BRINP1: variants seen among roughly 807,000 people sequenced by gnomAD.
BRINP1 encodes BMP/retinoic acid inducible neural specific 1, also known as BMP/retinoic acid-inducible neural-specific protein 1.
In BRINP1, 17 loss-of-function variants were observed where a neutral mutation model predicts 72.9. The ratio of observed to expected loss-of-function variants is 0.23; its 90% CI spans 0.16 to 0.35. The LOEUF (loss-of-function observed/expected upper bound fraction) is 0.35. Ranked by LOEUF, BRINP1 falls within the 10% of genes least tolerant of loss-of-function variation. The pLI is 1.00. For synonymous variants in BRINP1, 418 were observed against 378.5 expected, an observed-to-expected ratio of 1.10 and a Z score of -1.21; for missense variants, 850 against 1,001.6, an observed-to-expected ratio of 0.85 and a Z score of 2.04.
intron 7 of BRINP1, among the ~76,000 whole-genome samples, chr9:119,174,442 G>GCAAA (rs1270181017): frequency 3.4e-5 from 5 of 149,070 alleles, no homozygotes; most frequent in East Asian, 2.0e-4. Flanking sequence ...AGTTAGAATG[G>GCAAA]CAAACATTAA....
intron 2 of BRINP1, among the ~76,000 whole-genome samples, chr9:119,301,750 G>C (rs895460942): frequency 2.0e-5 from 3 of 151,924 alleles, no homozygotes; most frequent in Non-Finnish European, 2.9e-5. Context: ...CTAGGTAAAG[G>C]GTACATAAGA....
intron 1 of BRINP1, among the ~76,000 whole-genome samples, chr9:119,317,005 C>A (rs556440952): frequency 6.6e-6 from 1 of 150,652 alleles, no homozygotes; most frequent in Non-Finnish European, 1.5e-5. Flanking sequence ...CCAGGAGAAT[C>A]GCTTGAACCC....
At chr9:119,257,786 C>T (rs956187199) in intron 2 of BRINP1, among the ~76,000 whole-genome samples, 5 of 152,130 alleles carry the variant, frequency 3.3e-5, no homozygotes, top group Admixed American at 3.3e-4. Flanking sequence ...CCACACGATC[C>T]TCAGCCAGCT....
chr9:119,352,471 T>C (rs1219175931), intron 1 of BRINP1, among the ~76,000 whole-genome samples: 1 of 152,198 alleles, frequency 6.6e-6, no homozygotes, highest in Admixed American at 6.5e-5. Context: ...TCTCACTTTG[T>C]CACCCAGGCT....
At chr9:119,354,043 C>A (rs979257167) in intron 1 of BRINP1, among the ~76,000 whole-genome samples, 1 of 151,686 alleles carries the variant, frequency 6.6e-6, no homozygotes, top group Non-Finnish European at 1.5e-5. Context: ...TTAAACACCC[C>A]TTCTTACCAT....
At chr9:119,178,075 GAC>G (rs1829509104) in intron 7 of BRINP1, among the ~76,000 whole-genome samples, 1 of 152,158 alleles carries the variant, frequency 6.6e-6, no homozygotes, top group Admixed American at 6.5e-5. Context: ...CAAATGAGCA[GAC>G]ACAGGCTATG....
At chr9:119,252,135 T>G (rs186881151) in intron 2 of BRINP1, among the ~76,000 whole-genome samples, 12 of 152,238 alleles carry the variant, frequency 7.9e-5, no homozygotes, top group African/African-American at 2.9e-4. Flanking sequence ...AGATGCTCTA[T>G]GGAGACATCC....
intron 2 of BRINP1, among the ~76,000 whole-genome samples, chr9:119,256,864 T>A (rs1204507550): frequency 6.6e-6 from 1 of 152,204 alleles, no homozygotes; most frequent in Admixed American, 6.5e-5. Context: ...GTTCTTTTAC[T>A]CTTCTCATGC....
chr9:119,233,282 G>T (rs1336120815), intron 5 of BRINP1, among the ~76,000 whole-genome samples: 1 of 151,844 alleles, frequency 6.6e-6, no homozygotes, highest in Non-Finnish European at 1.5e-5. Context: ...ACCTCTCTAG[G>T]CCCTGGTTTC....
Position 119,368,500 on chromosome 9 carries a change from A to C in BRINP1, c.-51+556T>G, listed in dbSNP as rs1470160487. The stretch of plus-strand genomic sequence containing the variant: ...AGCCCCATAATCCTCCCCAAACCCC[A>C]AGCCCAGAGCCCCAAGAGGAAGTCC... On this transcript the variant is annotated intron_variant, in intron 1 of 7. Transcript: ENST00000265922. The surrounding 1 kb of genome is among the most constrained non-coding windows in gnomAD (Gnocchi z 4.7). 6.6e-6 allele frequency among the ~76,000 whole-genome samples: 1 copy of C among 151,978 alleles called. No homozygotes were observed. Among genetic ancestry groups the C allele is most frequent in the Non-Finnish European group, 1.5e-5 (1 of 67,998 alleles).
At chr9:119,313,043 C>T in intron 2 of BRINP1, 95 bp downstream of exon 2, 1 of 1,388,974 alleles carries the variant, frequency 7.2e-7, no homozygotes, top group Non-Finnish European at 9.7e-7. Flanking sequence ...TTGACCCAGA[C>T]ACTTCTGCAC....
rs1232809745 is a variant in BRINP1, at chr9:119,368,112, C to T, written c.-51+944G>A. Among the ~76,000 whole-genome samples, 1 of 152,222 alleles carries T rather than the reference C, an allele frequency of 6.6e-6. No individual in the cohort carries two copies. The highest frequency in any genetic ancestry group is 2.4e-5 in the African/African-American group (1 of 41,476). On this transcript the variant is annotated intron_variant, in intron 1 of 7. Transcript: ENST00000265922. The surrounding 1 kb of genome is among the most constrained non-coding windows in gnomAD (Gnocchi z 4.7). ...CCCCGAGGACGCTTTCTCCTTTCCC[C>T]TGAGGGGGATCCATGCAAACTTGCC...
At chr9:119,328,750 C>A (rs1050005269) in intron 1 of BRINP1, among the ~76,000 whole-genome samples, 10 of 152,090 alleles carry the variant, frequency 6.6e-5, no homozygotes, top group Non-Finnish European at 1.0e-4. Flanking sequence ...GAAGAAGTAA[C>A]TCAAACAGAG....
rs373850604 is a variant in BRINP1, at chr9:119,241,004, C to T, written c.579+1043G>A. On this transcript the variant is annotated intron_variant, in intron 4 of 7. Transcript: ENST00000265922. ...CCTCAGAAGAGCAAACATTTTATGT[C>T]GAGGATGTCCTCCCACATTCGCTTT... Among the ~76,000 whole-genome samples, 16 of 152,310 alleles carry T rather than the reference C, an allele frequency of 1.1e-4. No homozygotes were observed. In the South Asian group the frequency reaches 3.3e-3, roughly 32 times the overall value.
At chr9:119,312,248 T>C (rs1247193693) in intron 2 of BRINP1, among the ~76,000 whole-genome samples, 1 of 152,210 alleles carries the variant, frequency 6.6e-6, no homozygotes, top group Admixed American at 6.5e-5. Flanking sequence ...TAACTACACC[T>C]GAGAGAGTTT....
chr9:119,219,843 A>G (rs1830021742), intron 5 of BRINP1, among the ~76,000 whole-genome samples: 2 of 152,174 alleles, frequency 1.3e-5, no homozygotes, highest in Non-Finnish European at 2.9e-5. Flanking sequence ...CCTAGGGGGT[A>G]GCATTTAAGC....
At chr9:119,192,582 A>G (rs539918806) in intron 7 of BRINP1, among the ~76,000 whole-genome samples, 6 of 152,216 alleles carry the variant, frequency 3.9e-5, no homozygotes, top group African/African-American at 1.4e-4. Context: ...CTATTATAAA[A>G]AAGACAAGAG....
chr9:119,342,859 G>T (rs1335429874), intron 1 of BRINP1, among the ~76,000 whole-genome samples: 1 of 152,176 alleles, frequency 6.6e-6, no homozygotes, highest in African/African-American at 2.4e-5. Flanking sequence ...GAGAAGTTAA[G>T]CACAGGCTCT....
intron 7 of BRINP1, among the ~76,000 whole-genome samples, chr9:119,191,736 A>G (rs1829685840): frequency 6.6e-6 from 1 of 151,884 alleles, no homozygotes; most frequent in South Asian, 2.1e-4. Flanking sequence ...GTCGATGTCA[A>G]TCTTCACAGA....
Sources: allele counts gnomAD v4.1 joint callset (sites outside exome capture counted in the v4.1 genomes callset), GRCh38; gene constraint gnomAD v4.1.1; non-coding constraint Gnocchi (gnomAD v3.1); transcripts MANE v1.5; gene names NCBI Gene and HGNC (gene_info 2026-07-23, HGNC 2026-07-21).